Variants in PDAP1 observed in about 807,000 individuals in gnomAD.
The protein encoded by PDAP1 is PDGFA associated protein 1.
In PDAP1, 13 loss-of-function variants were observed where a neutral mutation model predicts 28.0. That is an observed-to-expected ratio of 0.46 (90% CI 0.30 to 0.74). PDAP1 has a LOEUF of 0.74. PDAP1 is among the 30% of genes least tolerant of loss of function. The pLI is 0.07. For missense variants in PDAP1, 150 were observed against 230.0 expected, an observed-to-expected ratio of 0.65 and a Z score of 2.25; for synonymous variants, 77 against 85.1, an observed-to-expected ratio of 0.91 and a Z score of 0.52.
Position 99,397,857 on chromosome 7 carries a change from C to T in PDAP1, c.487+5G>A. The T allele has an allele frequency of 6.2e-7, 1 of 1,612,312 alleles. No individual in the cohort carries two copies. The highest frequency in any genetic ancestry group is 2.2e-5 in the East Asian group (1 of 44,874). ...CTGTCCCTGCGTGCGCAGCCCAGCC[C>T]TTACCTTTCCTTTCCTCTTCCTTCT... On this transcript the variant is annotated splice_donor_5th_base_variant and intron_variant, in intron 5 of 5. Coordinates refer to ENST00000350498, the MANE Select transcript of PDAP1 (RefSeq NM_014891.7).
intron 1 of PDAP1, among the ~76,000 whole-genome samples, chr7:99,408,102 T>C (rs1795019176): frequency 6.6e-6 from 1 of 152,104 alleles, no homozygotes. Context: ...GGAAGGCTCA[T>C]GGGCATCTCC....
intron 3 of PDAP1, among the ~76,000 whole-genome samples, chr7:99,402,794 G>A (rs1384853000): frequency 3.4e-5 from 5 of 148,490 alleles, no homozygotes; most frequent in African/African-American, 5.0e-5. Flanking sequence ...GGGCAGAAGC[G>A]CTTGAACCTG....
intron 3 of PDAP1, among the ~76,000 whole-genome samples, chr7:99,402,765 C>T (rs1794896801): frequency 6.6e-6 from 1 of 151,088 alleles, no homozygotes; most frequent in Non-Finnish European, 1.5e-5. Context: ...GCCTGTAGTC[C>T]CAGCTACTCA....
chr7:99,408,566 C>T lies in PDAP1; in HGVS notation c.-18G>A, dbSNP rs2150910502. 1 of 1,205,314 alleles carries T rather than the reference C, an allele frequency of 8.3e-7. No homozygotes were observed. The highest frequency in any genetic ancestry group is 1.0e-6 in the Non-Finnish European group (1 of 962,520). 74.7% of individuals were successfully genotyped at this position (1,205,314 alleles called of 1,614,324 possible). ...TTAGGCATTGCGGCTCCGGCGGCTG[C>T]GGCGGCGGCGGCGGCGCCTCGAACT... On this transcript the variant is annotated 5_prime_UTR_variant, in exon 1 of 6. Coordinates refer to ENST00000350498, the MANE Select transcript of PDAP1 (RefSeq NM_014891.7).
Position 99,404,884 on chromosome 7 carries a change from T to C in PDAP1, c.83A>G (p.Gln28Arg). Residue 28 changes from glutamine (Q) to arginine (R), a missense_variant, in exon 2 of 6, where the codon CAG becomes CGG. Coordinates refer to ENST00000350498, the MANE Select transcript of PDAP1 (RefSeq NM_014891.7). ...CACCCTGGCCTTCTGCTTCTCAGCCTGCAGCTGCGCGTCGATCTCCTCAGG... is the reference window on the plus strand; with the variant it reads ...CACCCTGGCCTTCTGCTTCTCAGCCCGCAGCTGCGCGTCGATCTCCTCAGG... ...TSPEEIDAQL[Q>R]AEKQKAREEE... 6.2e-7 allele frequency: 1 copy of C among 1,612,970 alleles called. No individual in the cohort carries two copies. The highest frequency in any genetic ancestry group is 8.5e-7 in the Non-Finnish European group (1 of 1,179,918).
At position 99,396,622 on chromosome 7, in the gene PDAP1, C is replaced by G; in HGVS notation, c.*60G>C. The G allele has an allele frequency of 3.5e-6, 5 of 1,440,628 alleles. No individual in the cohort carries two copies. Among genetic ancestry groups the G allele is most frequent in the Non-Finnish European group, 4.9e-6 (5 of 1,024,504 alleles). The allele number at this position is 1,440,628 out of a possible 1,614,324, so 89.2% of individuals were successfully genotyped here. On this transcript the variant is annotated 3_prime_UTR_variant, in exon 6 of 6. Transcript: ENST00000350498. ...GCGCCAGGGCACAGGGTGGGCGAGA[C>G]ACAGCAGAGGTCCTGGCAGCGCGGC...
intron 3 of PDAP1, among the ~76,000 whole-genome samples, chr7:99,401,923 C>T (rs1794874713): frequency 6.6e-6 from 1 of 152,000 alleles, no homozygotes; most frequent in African/African-American, 2.4e-5. Flanking sequence ...TCTCGATCTC[C>T]TGACCTTGTG....
rs1291532754 is a variant in PDAP1, at chr7:99,396,248, C to T, written c.*434G>A. The stretch of plus-strand genomic sequence containing the variant: ...GGCACAGGCTCCCAGATGATAGCCC[C>T]TCTCTGAATGAGCACCCAGGCAACA... On this transcript the variant is annotated 3_prime_UTR_variant, in exon 6 of 6. Transcript: ENST00000350498. 8.0e-6 allele frequency: 2 copies of T among 251,112 alleles called. No individual in the cohort carries two copies. The highest frequency in any genetic ancestry group is 3.7e-5 in the South Asian group (1 of 26,940). The allele number at this position is 251,112 out of a possible 1,614,324, so 15.6% of individuals were successfully genotyped here.
intron 3 of PDAP1, among the ~76,000 whole-genome samples, chr7:99,402,007 C>T (rs556704058): frequency 3.9e-4 from 59 of 152,092 alleles, no homozygotes; most frequent in African/African-American, 1.3e-3. Flanking sequence ...CAGTGGCTCA[C>T]GCCTGTAATC....
intron 2 of PDAP1, among the ~76,000 whole-genome samples, chr7:99,404,299 C>T (rs772905228): frequency 2.6e-5 from 4 of 152,102 alleles, no homozygotes; most frequent in Non-Finnish European, 4.4e-5. Context: ...CAGATGCTGA[C>T]GATGGGAATG....
At chr7:99,400,952 T>C (rs1388416690) in intron 3 of PDAP1, among the ~76,000 whole-genome samples, 2 of 152,174 alleles carry the variant, frequency 1.3e-5, no homozygotes, top group African/African-American at 4.8e-5. Flanking sequence ...CCCAAAAACC[T>C]GGAATCTGCA....
Position 99,396,500 on chromosome 7 carries a change from C to CCCG in PDAP1, c.*181_*182insCGG. On this transcript the variant is annotated 3_prime_UTR_variant, in exon 6 of 6. Transcript: ENST00000350498. The stretch of plus-strand genomic sequence containing the variant: ...TCAAAGATAGCAGCTACCCCTCCCC[C>CCCG]AGTCCCCCCCCCCATCCCCCAAACA... 1 of 456,116 alleles carries CCCG rather than the reference C, an allele frequency of 2.2e-6. No individual in the cohort carries two copies. The highest frequency in any genetic ancestry group is 3.9e-6 in the Non-Finnish European group (1 of 256,338). 28.3% of individuals were successfully genotyped at this position (456,116 alleles called of 1,614,324 possible). A position where few individuals can be genotyped will look rare whatever the true frequency, so the allele number is the denominator to read the frequency against.
chr7:99,405,007 C>T, intron 1 of PDAP1, 54 bp from the exon 2 acceptor site: 2 of 1,335,420 alleles, frequency 1.5e-6, no homozygotes, highest in South Asian at 1.2e-5. Flanking sequence ...ACTGCTCTGA[C>T]CCCCAGAGGG....
rs146437067 is a variant in PDAP1 at position 99,404,892 on chromosome 7, C to G, written c.75G>C (p.Ala25=). The G allele has an allele frequency of 1.3e-5, 21 of 1,613,148 alleles. No individual in the cohort carries two copies. In the African/African-American group the frequency reaches 2.8e-4, roughly 22 times the overall value. ...CCTTCTGCTTCTCAGCCTGCAGCTG[C>G]GCGTCGATCTCCTCAGGGCTTGTAT... ...RQYTSPEEID[A]QLQAEKQKAR... is the part of the protein sequence containing the mutation. The change falls in exon 2 of 6, where the codon GCG becomes GCC. Residue 25 remains alanine, a synonymous_variant. Transcript: ENST00000350498.
chr7:99,397,260 A>C (rs1008398023), intron 5 of PDAP1, among the ~76,000 whole-genome samples: 4 of 152,214 alleles, frequency 2.6e-5, no homozygotes, highest in Non-Finnish European at 4.4e-5. Context: ...ACAGATGGAC[A>C]TGTAGGGGCT....
intron 1 of PDAP1, among the ~76,000 whole-genome samples, chr7:99,407,859 A>C (rs1034049221): frequency 3.3e-5 from 5 of 152,254 alleles, no homozygotes; most frequent in Non-Finnish European, 5.9e-5. Flanking sequence ...AGAGCTGGCA[A>C]AGCCTTAAAA....
Position 99,394,914 on chromosome 7 carries a change from C to A in PDAP1, c.*1768G>T. On this transcript the variant is annotated 3_prime_UTR_variant, in exon 6 of 6. Transcript: ENST00000350498. ...ACTCGTGGGAGCAATCCTTCTGCCT[C>A]AGCCTCCCAAGTAGCTGGGACTCCA... The A allele has an allele frequency of 1.1e-6, 1 of 920,348 alleles. No individual in the cohort carries two copies. Among genetic ancestry groups the A allele is most frequent in the Non-Finnish European group, 1.4e-6 (1 of 715,868 alleles). The allele number at this position is 920,348 out of a possible 1,614,324, so 57.0% of individuals were successfully genotyped here. A position where few individuals can be genotyped will look rare whatever the true frequency, so the allele number is the denominator to read the frequency against.
In PDAP1 at chr7:99,395,499, G is replaced by C. The variant is rs1794736403; in HGVS notation, c.*1183C>G. ...TATTTTGTCATTACAATGTTGGCAA[G>C]ATATTTTTTTCGTGTGCTGTAAACT... On this transcript the variant is annotated 3_prime_UTR_variant, in exon 6 of 6. Coordinates refer to ENST00000350498, the MANE Select transcript of PDAP1 (RefSeq NM_014891.7). 6.6e-6 allele frequency: 1 copy of C among 152,254 alleles called. No homozygotes were observed. Among genetic ancestry groups the C allele is most frequent in the African/African-American group, 2.4e-5 (1 of 41,456 alleles). The allele number at this position is 152,254 out of a possible 1,614,324, so 9.4% of individuals were successfully genotyped here.
intron 5 of PDAP1, among the ~76,000 whole-genome samples, chr7:99,397,184 A>G (rs1414854959): frequency 6.6e-6 from 1 of 152,100 alleles, no homozygotes; most frequent in Non-Finnish European, 1.5e-5. Context: ...TGCGGGTGAC[A>G]ATGTCCCTGA....
Sources: gnomAD v4.1 joint callset for allele counts (sites outside exome capture counted in the v4.1 genomes callset) on GRCh38, gnomAD v4.1.1 for gene constraint, MANE v1.5 for transcripts, NCBI Gene and HGNC (gene_info 2026-07-23, HGNC 2026-07-21) for gene names.